Variants in DNAH11 observed in about 807,000 individuals in gnomAD.
DNAH11 encodes axonemal beta dynein heavy chain 11.
Under a neutral mutation model 526.0 loss-of-function variants are expected in DNAH11, and 442 were observed. The ratio of observed to expected loss-of-function variants is 0.84; its 90% CI spans 0.78 to 0.91. The LOEUF is 0.91. Ranked by LOEUF, DNAH11 falls within the 40% of genes least tolerant of loss-of-function variation. The pLI is 0.00. For synonymous variants in DNAH11, 2,461 were observed against 1,935.9 expected, an observed-to-expected ratio of 1.27 and a Z score of -7.12; for missense variants, 6,989 against 5,448.7, an observed-to-expected ratio of 1.28 and a Z score of -8.90.
chr7:21,704,341 A>G, intron 37 of DNAH11, 93 bp from the exon 38 acceptor site: 3 of 1,249,916 alleles, frequency 2.4e-6, no homozygotes, highest in Non-Finnish European at 3.3e-6. Flanking sequence ...CTCATGCTTC[A>G]CATATGAGGA....
intron 42 of DNAH11, among the ~76,000 whole-genome samples, chr7:21,713,469 T>C (rs1302792788): frequency 2.6e-5 from 4 of 152,166 alleles, no homozygotes; most frequent in Non-Finnish European, 4.4e-5. Flanking sequence ...GCTCTTCTTA[T>C]ATCTCTCCAT....
chr7:21,603,124 T>C (rs1412820339), intron 18 of DNAH11, among the ~76,000 whole-genome samples: 1 of 152,218 alleles, frequency 6.6e-6, no homozygotes, highest in Non-Finnish European at 1.5e-5. Flanking sequence ...GTTCACTTAC[T>C]CTAGATATTT....
chr7:21,831,895 G>A (rs764276832), intron 65 of DNAH11, among the ~76,000 whole-genome samples: 1 of 152,194 alleles, frequency 6.6e-6, no homozygotes, highest in Non-Finnish European at 1.5e-5. Context: ...TTTGAGACCA[G>A]CTTGACCAGC....
At chr7:21,845,503 A>G (rs1280536194) in intron 66 of DNAH11, among the ~76,000 whole-genome samples, 1 of 152,142 alleles carries the variant, frequency 6.6e-6, no homozygotes, top group Non-Finnish European at 1.5e-5. Flanking sequence ...TCCTTGTTAA[A>G]GATCAGTTGG....
intron 62 of DNAH11, among the ~76,000 whole-genome samples, chr7:21,803,754 A>G (rs1789112009): frequency 6.6e-6 from 1 of 151,370 alleles, no homozygotes; most frequent in South Asian, 2.1e-4. Context: ...TGGGGCTGTC[A>G]TCATTGAAGT....
chr7:21,789,730 A>C (rs1384783654), intron 61 of DNAH11, among the ~76,000 whole-genome samples: 1 of 150,360 alleles, frequency 6.7e-6, no homozygotes, highest in African/African-American at 2.4e-5. Flanking sequence ...CTCATCTGTG[A>C]AACAGGTATT....
intron 63 of DNAH11, among the ~76,000 whole-genome samples, chr7:21,813,867 C>T (rs1331097087): frequency 2.0e-5 from 3 of 152,168 alleles, no homozygotes; most frequent in Admixed American, 6.5e-5. Flanking sequence ...ATTTTCCTTG[C>T]TGCAGACTCC....
chr7:21,627,580 T>C (rs544907530), intron 25 of DNAH11, among the ~76,000 whole-genome samples: 2 of 152,282 alleles, frequency 1.3e-5, no homozygotes, highest in South Asian at 4.2e-4. Context: ...TGAAAATTAA[T>C]TGGCTGTAAA....
chr7:21,734,937 C>T (rs560421135), intron 45 of DNAH11, among the ~76,000 whole-genome samples: 7 of 151,992 alleles, frequency 4.6e-5, no homozygotes, highest in East Asian at 1.9e-4. Flanking sequence ...TTTGGGAGCC[C>T]GAGGCGGGTG....
chr7:21,666,939 A>G (rs1782443391), intron 30 of DNAH11, among the ~76,000 whole-genome samples: 2 of 152,266 alleles, frequency 1.3e-5, no homozygotes, highest in South Asian at 4.1e-4. Flanking sequence ...ATACAGGAAC[A>G]GATGATTTGA....
intron 45 of DNAH11, among the ~76,000 whole-genome samples, chr7:21,733,039 C>T (rs1037326527): frequency 3.3e-5 from 5 of 151,946 alleles, no homozygotes; most frequent in Admixed American, 2.6e-4. Flanking sequence ...GAGCACGTGG[C>T]TATGTGGGGG....
At chr7:21,722,839 T>A (rs1001971772) in intron 44 of DNAH11, among the ~76,000 whole-genome samples, 6 of 152,124 alleles carry the variant, frequency 3.9e-5, no homozygotes, top group African/African-American at 1.4e-4. Context: ...TATTTACCCT[T>A]TTCTCCCTTT....
chr7:21,875,566 G>A (rs1039505001), intron 74 of DNAH11, among the ~76,000 whole-genome samples: 1 of 152,186 alleles, frequency 6.6e-6, no homozygotes. Context: ...AGGAGGCTGA[G>A]AGGAGGATCA....
At chr7:21,782,753 A>T (rs1036929260) in intron 57 of DNAH11, among the ~76,000 whole-genome samples, 1 of 152,120 alleles carries the variant, frequency 6.6e-6, no homozygotes, top group African/African-American at 2.4e-5. Context: ...TACTAAAAAT[A>T]TAAAAAATCA....
intron 15 of DNAH11, among the ~76,000 whole-genome samples, chr7:21,600,473 C>CA (rs1439125805): frequency 3.3e-5 from 5 of 151,706 alleles, no homozygotes; most frequent in African/African-American, 1.2e-4. Flanking sequence ...AAACAAAACA[C>CA]AAAAAACCAC....
chr7:21,824,873 A>G (rs1374163970), intron 65 of DNAH11, among the ~76,000 whole-genome samples: 1 of 152,034 alleles, frequency 6.6e-6, no homozygotes, highest in Non-Finnish European at 1.5e-5. Context: ...CAAATTCGTT[A>G]CTATAATATT....
At chr7:21,899,033 T>A (rs998752660) in intron 79 of DNAH11, among the ~76,000 whole-genome samples, 29 of 152,210 alleles carry the variant, frequency 1.9e-4, no homozygotes, top group Non-Finnish European at 3.5e-4. Flanking sequence ...GACCTTTGTA[T>A]AGTCACCACA....
At chr7:21,704,926 T>TCTTTCCTCCTTTTTAGAG (rs1462191815) in intron 38 of DNAH11, among the ~76,000 whole-genome samples, 1 of 152,242 alleles carries the variant, frequency 6.6e-6, no homozygotes, top group Non-Finnish European at 1.5e-5. Context: ...TTTACTTTGT[T>TCTTTCCTCCTTTTTAGAG]CTTTCCTCCT....
intron 57 of DNAH11, among the ~76,000 whole-genome samples, chr7:21,782,343 C>T (rs963749801): frequency 2.6e-4 from 40 of 152,180 alleles, no homozygotes; most frequent in Admixed American, 2.4e-3. Flanking sequence ...CCTTGCTGAC[C>T]ACTGCCTAGG....
Sources: gnomAD v4.1 joint callset for allele counts (sites outside exome capture counted in the v4.1 genomes callset) on GRCh38, gnomAD v4.1.1 for gene constraint, MANE v1.5 for transcripts, NCBI Gene and HGNC (gene_info 2026-07-23, HGNC 2026-07-21) for gene names.